MRPL14: variants seen among roughly 807,000 people sequenced by gnomAD.
MRPL14 encodes large ribosomal subunit protein uL14m.
MRPL14 carries 8 observed loss-of-function variants against 10.9 expected under a neutral mutation model. The ratio of observed to expected loss-of-function variants is 0.74; its 90% CI spans 0.43 to 1.33. MRPL14 has a LOEUF of 1.33. MRPL14 is among the 40% of genes most tolerant of loss of function. The probability of loss-of-function intolerance (pLI) is 0.01; values close to 1 mark genes in which losing one functional copy is unlikely to be tolerated. For missense variants in MRPL14, 179 were observed against 194.5 expected, an observed-to-expected ratio of 0.92 and a Z score of 0.47; for synonymous variants, 82 against 74.1, an observed-to-expected ratio of 1.11 and a Z score of -0.54.
chr6:44,116,447 G>C, intron 2 of MRPL14, 94 bp downstream of exon 2: 1 of 1,282,978 alleles, frequency 7.8e-7, no homozygotes, highest in Admixed American at 1.8e-5. Flanking sequence ...CCACCTCCCT[G>C]AGTTTTTACT....
intron 1 of MRPL14, among the ~76,000 whole-genome samples, chr6:44,122,164 G>T (rs1213818359): frequency 6.6e-6 from 1 of 151,224 alleles, no homozygotes; most frequent in Admixed American, 6.6e-5. Flanking sequence ...CTCACTGCAA[G>T]CTCTGCCTCC....
intron 2 of MRPL14, 24 bp from the exon 3 acceptor site, chr6:44,114,233 C>T (rs1775619407): frequency 6.3e-7 from 1 of 1,593,604 alleles, no homozygotes. Flanking sequence ...AAAAAAAAGT[C>T]TGCAGTCTGT....
rs765267299 is a variant in MRPL14 at position 44,114,073 on chromosome 6, C to T, written c.208G>A (p.Gly70Ser). ...TTGATGGCCAGTAGTATCTGGTCGC[C>T]CACCTTGCCCACTCCATTCTTCTTA... Reference protein sequence around the residue: ...VYKKNGVGKVGDQILLAIKGQ... With the variant: ...VYKKNGVGKVSDQILLAIKGQ... Residue 70 changes from glycine to serine, a missense_variant, in exon 3 of 3, where the codon GGC becomes AGC. Coordinates refer to ENST00000372014, the MANE Select transcript of MRPL14 (RefSeq NM_032111.4). 15 of 1,614,084 alleles carry T rather than the reference C, an allele frequency of 9.3e-6. No homozygotes were observed. Among genetic ancestry groups the T allele is most frequent in the Non-Finnish European group, 1.2e-5 (14 of 1,180,052 alleles).
At chr6:44,119,479 G>A (rs1216548039) in intron 1 of MRPL14, among the ~76,000 whole-genome samples, 6 of 152,088 alleles carry the variant, frequency 3.9e-5, no homozygotes, top group Admixed American at 1.3e-4. Context: ...AGTGAGCCAA[G>A]GTTGGGCCAC....
At chr6:44,126,632 C>A (rs1431572893) in intron 1 of MRPL14, among the ~76,000 whole-genome samples, 2 of 151,160 alleles carry the variant, frequency 1.3e-5, no homozygotes, top group Admixed American at 6.6e-5. Flanking sequence ...CCGTCTCTTA[C>A]GGTGGCAAAG....
chr6:44,114,849 T>C (rs1582714246), intron 2 of MRPL14, among the ~76,000 whole-genome samples: 1 of 152,264 alleles, frequency 6.6e-6, no homozygotes, highest in South Asian at 2.1e-4. Context: ...GACCTCATGA[T>C]CCGCCCGCCT....
Position 44,114,124 on chromosome 6 carries a change from G to A in MRPL14, c.157C>T (p.Arg53Trp), listed in dbSNP as rs745445852. 1.2e-5 allele frequency: 20 copies of A among 1,614,038 alleles called. No homozygotes were observed. Among genetic ancestry groups the A allele is most frequent in the East Asian group, 8.9e-5 (4 of 44,892 alleles). The change falls in exon 3 of 3, where the codon CGG becomes TGG. Residue 53 changes from arginine (R) to tryptophan (W), a missense_variant. Coordinates refer to ENST00000372014, the MANE Select transcript of MRPL14 (RefSeq NM_032111.4). The stretch of plus-strand genomic sequence containing the variant: ...TAGACATGGATGCAGCGAGGAGCCC[G>A]ATGGTATGGGCTGTTCCCCAGGGCA... ...NSALGNSPYH[R>W]APRCIHVYKK...
chr6:44,123,993 C>T (rs1402975255), intron 1 of MRPL14, among the ~76,000 whole-genome samples: 2 of 152,184 alleles, frequency 1.3e-5, no homozygotes, highest in Non-Finnish European at 2.9e-5. Context: ...CCCATCCCTA[C>T]CTCACAAGTG....
intron 1 of MRPL14, among the ~76,000 whole-genome samples, chr6:44,117,726 C>G (rs190631973): frequency 1.4e-4 from 21 of 152,054 alleles, no homozygotes; most frequent in South Asian, 2.1e-4. Context: ...TGTAGTGGTG[C>G]AACTGCAGCT....
In MRPL14 at chr6:44,114,211, TGGTGGGA is replaced by T; in HGVS notation, c.72-9_72-3del. 6.3e-7 allele frequency: 1 copy of T among 1,599,546 alleles called. No homozygotes were observed. Among genetic ancestry groups the T allele is most frequent in the Non-Finnish European group, 8.5e-7 (1 of 1,170,958 alleles). On this transcript the variant is annotated splice_polypyrimidine_tract_variant and splice_region_variant and intron_variant, in intron 2 of 2. Coordinates refer to ENST00000372014, the MANE Select transcript of MRPL14 (RefSeq NM_032111.4). The stretch of plus-strand genomic sequence containing the variant: ...ATCGCACTCAGACTCCCAGTGGTGC[TGGTGGGA>T]GGAAAAAAAAAAGTCTGCAGTCTGT...
intron 1 of MRPL14, among the ~76,000 whole-genome samples, chr6:44,119,340 C>T (rs1267778345): frequency 6.6e-6 from 1 of 152,086 alleles, no homozygotes; most frequent in Admixed American, 6.5e-5. Flanking sequence ...ACCAGCCTGG[C>T]CAACATGGTG....
intron 1 of MRPL14, among the ~76,000 whole-genome samples, chr6:44,120,624 A>G (rs1776302332): frequency 6.6e-6 from 1 of 152,214 alleles, no homozygotes. Flanking sequence ...AGAATCAAAT[A>G]TTCACTTATT....
chr6:44,120,009 G>T (rs1029013535), intron 1 of MRPL14, among the ~76,000 whole-genome samples: 11 of 151,932 alleles, frequency 7.2e-5, no homozygotes, highest in African/African-American at 2.7e-4. Flanking sequence ...CTTGACTCAG[G>T]TATCATCACA....
intron 1 of MRPL14, among the ~76,000 whole-genome samples, chr6:44,121,082 C>T (rs1242519916): frequency 2.6e-5 from 4 of 152,246 alleles, no homozygotes; most frequent in Middle Eastern, 6.8e-3. Flanking sequence ...TATTTCCTAG[C>T]ATAAATCCAC....
chr6:44,124,614 G>T (rs991383266), intron 1 of MRPL14, among the ~76,000 whole-genome samples: 7 of 152,200 alleles, frequency 4.6e-5, no homozygotes, highest in African/African-American at 1.4e-4. Flanking sequence ...AGACATAAAA[G>T]ATTTTTTGAG....
At chr6:44,119,205 T>G (rs1421009168) in intron 1 of MRPL14, among the ~76,000 whole-genome samples, 3 of 152,074 alleles carry the variant, frequency 2.0e-5, no homozygotes, top group Non-Finnish European at 4.4e-5. Flanking sequence ...TTTACAACTA[T>G]TAAATCATTC....
In MRPL14 at chr6:44,117,811, T is replaced by TG. The variant is rs539481780; in HGVS notation, c.-18-1183dup. Among the ~76,000 whole-genome samples the TG allele has an allele frequency of 3.0e-3, 448 of 150,016 alleles. 2 individuals are homozygous for TG. Among genetic ancestry groups the TG allele is most frequent in the Middle Eastern group, 3.6e-3 (1 of 280 alleles). On this transcript the variant is annotated intron_variant, in intron 1 of 2. Transcript: ENST00000372014. ...TCCCAAGTAGTCAGGACCACAGACA[T>TG]GCACCAGGACGCCTGGCTAATTTTT...
rs767250653 is a variant in MRPL14 at position 44,116,509 on chromosome 6, C to T, written c.71+32G>A. 5.6e-6 allele frequency: 9 copies of T among 1,607,260 alleles called. No individual in the cohort carries two copies. The South Asian group carries it at 6.6e-5, about 12-fold the overall frequency. Reference sequence around the variant, plus strand: ...CCCTGATAGGAAGCTTACACAAAGACACAGTTTTAAGAACTTAATGGGAAA... The same window carrying T: ...CCCTGATAGGAAGCTTACACAAAGATACAGTTTTAAGAACTTAATGGGAAA... On this transcript the variant is annotated intron_variant, in intron 2 of 2. Coordinates refer to ENST00000372014, the MANE Select transcript of MRPL14 (RefSeq NM_032111.4).
intron 1 of MRPL14, among the ~76,000 whole-genome samples, chr6:44,117,237 T>A (rs1490548039): frequency 6.6e-6 from 1 of 151,832 alleles, no homozygotes; most frequent in African/African-American, 2.4e-5. Flanking sequence ...CACTGTAACA[T>A]GGAAAACTGA....
Sources: gnomAD v4.1 joint callset for allele counts (sites outside exome capture counted in the v4.1 genomes callset) on GRCh38, gnomAD v4.1.1 for gene constraint, MANE v1.5 for transcripts, NCBI Gene and HGNC (gene_info 2026-07-23, HGNC 2026-07-21) for gene names.